E2F4: variants seen among roughly 807,000 people sequenced by gnomAD.
The protein encoded by E2F4 is transcription factor E2F4.
E2F4 carries 16 observed loss-of-function variants against 44.5 expected under a neutral mutation model. The observed-to-expected ratio is 0.36, with a 90% confidence interval of 0.24 to 0.55. The LOEUF (loss-of-function observed/expected upper bound fraction) is 0.55. Among genes scored for constraint, E2F4 ranks in the 20% least tolerant of loss-of-function variants. The pLI is 0.87. For synonymous variants in E2F4, 242 were observed against 207.2 expected (o/e 1.17, Z -1.44); for missense variants, 473 against 522.1 (o/e 0.91, Z 0.92).
chr16:67,197,430 T>C (rs1280077836), intron 7 of E2F4, among the ~76,000 whole-genome samples, 169 bp from the exon 8 acceptor site: 2 of 152,064 alleles, frequency 1.3e-5, no homozygotes, highest in Non-Finnish European at 2.9e-5. Context: ...GGAATTCAGG[T>C]TTAGCAAGTG....
chr16:67,198,433 C>T lies in E2F4; in HGVS notation c.*310C>T. On this transcript the variant is annotated 3_prime_UTR_variant, in exon 10 of 10. Coordinates refer to ENST00000379378, the MANE Select transcript of E2F4 (RefSeq NM_001950.4). Reference sequence around the variant, plus strand: ...GCACAGAACCGAGGAGCTGCCATTACCCCCCATAGGGGGCAGTGTCTTGTT... The same window carrying T: ...GCACAGAACCGAGGAGCTGCCATTATCCCCCATAGGGGGCAGTGTCTTGTT... The T allele has an allele frequency of 2.7e-6, 1 of 367,926 alleles. No homozygotes were observed. Among genetic ancestry groups the T allele is most frequent in the South Asian group, 2.9e-5 (1 of 34,270 alleles). The allele number at this position is 367,926 out of a possible 1,614,324, so 22.8% of individuals were successfully genotyped here.
intron 6 of E2F4, among the ~76,000 whole-genome samples, 193 bp downstream of exon 6, chr16:67,195,173 C>T (rs3730400): frequency 1.3e-5 from 2 of 152,322 alleles, no homozygotes; most frequent in East Asian, 3.9e-4. Context: ...CACTGTGTCC[C>T]CCAGGCTGGA....
At chr16:67,196,365 A>AC (rs920310920) in intron 7 of E2F4, among the ~76,000 whole-genome samples, 20 of 150,724 alleles carry the variant, frequency 1.3e-4, no homozygotes, top group South Asian at 4.2e-4. Context: ...TGCAGCAGTC[A>AC]CCCCCCCAGC....
chr16:67,196,621 G>C (rs1328396238), intron 7 of E2F4, among the ~76,000 whole-genome samples: 1 of 152,134 alleles, frequency 6.6e-6, no homozygotes, highest in Non-Finnish European at 1.5e-5. Flanking sequence ...TGCAGCTCTG[G>C]GTGAACGAAT....
chr16:67,198,423 G>A lies in E2F4; in HGVS notation c.*300G>A. The stretch of plus-strand genomic sequence containing the variant: ...CCACCCAGTGGCACAGAACCGAGGA[G>A]CTGCCATTACCCCCCATAGGGGGCA... On this transcript the variant is annotated 3_prime_UTR_variant, in exon 10 of 10. Coordinates refer to ENST00000379378, the MANE Select transcript of E2F4 (RefSeq NM_001950.4). The A allele has an allele frequency of 2.6e-6, 1 of 390,728 alleles. No homozygotes were observed. The highest frequency in any genetic ancestry group is 4.8e-6 in the Non-Finnish European group (1 of 209,790). 24.2% of individuals were successfully genotyped at this position (390,728 alleles called of 1,614,324 possible). A position where few individuals can be genotyped will look rare whatever the true frequency, so the allele number is the denominator to read the frequency against.
At chr16:67,197,979 C>CGGCCA in intron 9 of E2F4, 29 bp from the exon 10 acceptor site, 1 of 1,613,840 alleles carries the variant, frequency 6.2e-7, no homozygotes, top group Non-Finnish European at 8.5e-7. Flanking sequence ...GAGCCCTGGC[C>CGGCCA]CAGGGCCTGA....
At chr16:67,196,986 CCTGA>C (rs1034720463) in intron 7 of E2F4, among the ~76,000 whole-genome samples, 5 of 152,198 alleles carry the variant, frequency 3.3e-5, no homozygotes, top group African/African-American at 1.2e-4. Context: ...TTCTCTTTAC[CCTGA>C]CTGACAGACT....
Position 67,198,441 on chromosome 16 carries a change from A to C in E2F4, c.*318A>C. Reference sequence around the variant, plus strand: ...CCGAGGAGCTGCCATTACCCCCCATAGGGGGCAGTGTCTTGTTCCTGCCAG... The same window carrying C: ...CCGAGGAGCTGCCATTACCCCCCATCGGGGGCAGTGTCTTGTTCCTGCCAG... On this transcript the variant is annotated 3_prime_UTR_variant, in exon 10 of 10. Transcript: ENST00000379378. The C allele has an allele frequency of 2.9e-6, 1 of 345,550 alleles. No individual in the cohort carries two copies. 21.4% of individuals were successfully genotyped at this position (345,550 alleles called of 1,614,324 possible).
At chr16:67,194,661 C>G (rs374358555) in intron 5 of E2F4, 25 bp from the exon 6 acceptor site, 62 of 1,603,304 alleles carry the variant, frequency 3.9e-5, no homozygotes, top group Non-Finnish European at 4.8e-5. Flanking sequence ...CTACCCATCT[C>G]CCATCCCTTA....
In E2F4 at chr16:67,195,769, G is replaced by T. The variant is rs902432745; in HGVS notation, c.809-13G>T. The T allele has an allele frequency of 1.9e-6, 3 of 1,613,996 alleles. No homozygotes were observed. Among genetic ancestry groups the T allele is most frequent in the Non-Finnish European group, 1.7e-6 (2 of 1,179,940 alleles). On this transcript the variant is annotated splice_polypyrimidine_tract_variant and intron_variant, in intron 6 of 9. Transcript: ENST00000379378. ...TGACCTTGTATGACTGGGTTTGGGGGCTATCATTGTAGTGAGTGGCGGCCC... is the reference window on the plus strand; with the variant it reads ...TGACCTTGTATGACTGGGTTTGGGGTCTATCATTGTAGTGAGTGGCGGCCC...
rs146072162 is a variant in E2F4, at chr16:67,198,072, C to G, written c.1191C>G (p.Asp397Glu). The change falls in exon 10 of 10, where the codon GAC becomes GAG. Residue 397 changes from aspartate (D) to glutamate (E), a missense_variant. Physicochemically the swap from Asp to Glu is conservative, Grantham distance 45. Transcript: ENST00000379378. ...ACCACGATTATATCTACAACCTGGA[C>G]GAGAGTGAAGGTGTCTGTGACCTCT... is the stretch of plus-strand genomic sequence containing the variant. ...PGDHDYIYNL[D>E]ESEGVCDLFD... The G allele has an allele frequency of 6.2e-7, 1 of 1,613,930 alleles. No individual in the cohort carries two copies. Among genetic ancestry groups the G allele is most frequent in the Non-Finnish European group, 8.5e-7 (1 of 1,179,992 alleles).
chr16:67,195,592 AG>A lies in E2F4; in HGVS notation c.809-188del, dbSNP rs199527162. On this transcript the variant is annotated intron_variant, in intron 6 of 9. Coordinates refer to ENST00000379378, the MANE Select transcript of E2F4 (RefSeq NM_001950.4). ...ATGTTGACCACGAGTCTTCTTCTGT[AG>A]GTCTTGTGTCCCTGTCTCCTGTGGT... 493 of 1,224,866 alleles carry A rather than the reference AG, an allele frequency of 4.0e-4. 3 individuals carry two copies. The East Asian group carries it at 9.4e-3, about 23-fold the overall frequency. The allele number at this position is 1,224,866 out of a possible 1,614,324, so 75.9% of individuals were successfully genotyped here.
chr16:67,195,471 A>G (rs1324301717), intron 6 of E2F4, among the ~76,000 whole-genome samples: 2 of 152,188 alleles, frequency 1.3e-5, no homozygotes, highest in Non-Finnish European at 2.9e-5. Flanking sequence ...GACTGTGGGA[A>G]GAGCCATTGC....
rs771917627 is a variant in E2F4 at position 67,192,745 on chromosome 16, C to G, written c.136-16C>G. ...ACCCCAGAGTGGGGCTGAGCATTCT[C>G]CATTCTCTCTGCCAGGCAGCTGACA... On this transcript the variant is annotated splice_polypyrimidine_tract_variant and intron_variant, in intron 1 of 9. Coordinates refer to ENST00000379378, the MANE Select transcript of E2F4 (RefSeq NM_001950.4). The G allele has an allele frequency of 1.2e-6, 2 of 1,600,948 alleles. No homozygotes were observed. The highest frequency in any genetic ancestry group is 1.7e-4 in the Middle Eastern group (1 of 6,052).
chr16:67,197,352 C>T (rs1356544256), intron 7 of E2F4, among the ~76,000 whole-genome samples: 1 of 152,200 alleles, frequency 6.6e-6, no homozygotes. Flanking sequence ...CTTCTGTGGC[C>T]TTTCCGAGTT....
At position 67,198,057 on chromosome 16, in the gene E2F4, T is replaced by C. The variant is rs1325311266; in HGVS notation, c.1176T>C (p.Tyr392=). The C allele has an allele frequency of 6.2e-7, 1 of 1,613,988 alleles. No individual in the cohort carries two copies. Among genetic ancestry groups the C allele is most frequent in the Non-Finnish European group, 8.5e-7 (1 of 1,180,008 alleles). ...CTCCACCCCCGGGAGACCACGATTA[T>C]ATCTACAACCTGGACGAGAGTGAAG... ...RLSPPPGDHD[Y]IYNLDESEGV... Residue 392 remains tyrosine, a synonymous_variant, in exon 10 of 10, where the codon TAT becomes TAC. Coordinates refer to ENST00000379378, the MANE Select transcript of E2F4 (RefSeq NM_001950.4).
Position 67,197,644 on chromosome 16 carries a change from G to A in E2F4, c.1079G>A (p.Arg360Gln), listed in dbSNP as rs1196483336. Residue 360 changes from arginine (R) to glutamine (Q), a missense_variant and splice_region_variant, in exon 8 of 10, where the codon CGA becomes CAA. By Grantham distance (43) the Arg-to-Gln change is conservative. Around this residue, in one of 3 missense-constraint regions of E2F4, gnomAD observed 314 missense variants for 315.6 expected, o/e 0.99. Transcript: ENST00000379378. ...CTGTCAGAAATCTTTGATCCCACACGAGGTAGGCTGCTGCATTCCTCCCTG... is the reference window on the plus strand; with the variant it reads ...CTGTCAGAAATCTTTGATCCCACACAAGGTAGGCTGCTGCATTCCTCCCTG... ...KELSEIFDPT[R>Q]ECMSSELLEE... 8 of 1,614,158 alleles carry A rather than the reference G, an allele frequency of 5.0e-6. No homozygotes were observed. Among genetic ancestry groups the A allele is most frequent in the East Asian group, 2.2e-5 (1 of 44,884 alleles).
chr16:67,192,987 C>T (rs1351702590), intron 2 of E2F4, 22 bp from the exon 3 acceptor site: 1 of 1,563,726 alleles, frequency 6.4e-7, no homozygotes, highest in Non-Finnish European at 8.7e-7. Context: ...CAGTCCCTCT[C>T]AGCCCCACTC....
chr16:67,197,733 C>G, intron 8 of E2F4, 87 bp downstream of exon 8: 2 of 1,598,628 alleles, frequency 1.3e-6, no homozygotes, highest in African/African-American at 1.3e-5. Context: ...TTTTGAGGAC[C>G]TTGTTGTGGC....
Sources: allele counts gnomAD v4.1 joint callset (sites outside exome capture counted in the v4.1 genomes callset), GRCh38; gene constraint gnomAD v4.1.1; regional missense constraint gnomAD v4.1.1; transcripts MANE v1.5; gene names NCBI Gene and HGNC (gene_info 2026-07-23, HGNC 2026-07-21).